MTMR10: variants seen among roughly 807,000 people sequenced by gnomAD.
MTMR10 encodes myotubularin-related protein 10.
A neutral mutation model predicts 88.1 loss-of-function variants in MTMR10; 56 were observed. The ratio of observed to expected loss-of-function variants is 0.64; its 90% CI spans 0.51 to 0.79. MTMR10 has a LOEUF of 0.79. Among genes scored for constraint, MTMR10 ranks in the 30% least tolerant of loss-of-function variants. MTMR10 has a pLI of 0.00. For synonymous variants in MTMR10, 380 were observed against 340.9 expected, an observed-to-expected ratio of 1.11 and a Z score of -1.26; for missense variants, 883 against 924.7, an observed-to-expected ratio of 0.95 and a Z score of 0.58.
intron 13 of MTMR10, among the ~76,000 whole-genome samples, chr15:30,947,996 A>G (rs1036583500): frequency 6.6e-6 from 1 of 152,162 alleles, no homozygotes; most frequent in Admixed American, 6.5e-5. Context: ...GATATTCCAA[A>G]AGTGATTTTT....
chr15:30,928,532 G>C, the MTMR10 span: 3 of 1,612,586 alleles, frequency 1.9e-6, no homozygotes, highest in African/African-American at 4.0e-5. Flanking sequence ...GTGTGTGTGT[G>C]TGTGTGTGAC....
intron 5 of MTMR10, among the ~76,000 whole-genome samples, chr15:30,973,129 T>C (rs1282603432): frequency 1.3e-5 from 2 of 152,212 alleles, no homozygotes; most frequent in African/African-American, 2.4e-5. Context: ...AAAGTCCTTC[T>C]ATATAATAGG....
chr15:30,958,756 C>T lies in MTMR10; in HGVS notation c.935+107G>A, dbSNP rs1207183142. ...ATTCTTATATAAAACATGGTGCTAACTAATTAGTAAGACTATGCATTTTGT... is the reference window on the plus strand; with the variant it reads ...ATTCTTATATAAAACATGGTGCTAATTAATTAGTAAGACTATGCATTTTGT... On this transcript the variant is annotated intron_variant, in intron 9 of 15. Coordinates refer to ENST00000435680, the MANE Select transcript of MTMR10 (RefSeq NM_017762.3). 5 of 1,164,320 alleles carry T rather than the reference C, an allele frequency of 4.3e-6. No individual in the cohort carries two copies. In the East Asian group the frequency reaches 1.2e-4, roughly 27 times the overall value. The allele number at this position is 1,164,320 out of a possible 1,614,324, so 72.1% of individuals were successfully genotyped here.
Position 30,947,274 on chromosome 15 carries a change from A to T in MTMR10, c.1404T>A (p.Asp468Glu). 1 of 1,613,548 alleles carries T rather than the reference A, an allele frequency of 6.2e-7. No individual in the cohort carries two copies. Among genetic ancestry groups the T allele is most frequent in the Non-Finnish European group, 8.5e-7 (1 of 1,179,808 alleles). The change falls in exon 14 of 16, where the codon GAT becomes GAA. Residue 468 changes from aspartate to glutamate, a missense_variant. By Grantham distance (45) the Asp-to-Glu change is conservative. Around this residue, in one of 3 missense-constraint regions of MTMR10, gnomAD observed 126 missense variants for 178.2 expected, o/e 0.71. Coordinates refer to ENST00000435680, the MANE Select transcript of MTMR10 (RefSeq NM_017762.3). The part of the protein sequence containing the change: ...KESPLFLLFL[D>E]ATWQLLEQYP... ...ATTGTTCTAACAGCTGCCAGGTGGC[A>T]TCCAAGAATAGCAAAAATAAAGGAG... is the stretch of plus-strand genomic sequence containing the variant.
chr15:30,941,163 GATA>G lies in MTMR10; in HGVS notation c.*304_*306del, dbSNP rs2063035123. On this transcript the variant is annotated 3_prime_UTR_variant, in exon 16 of 16. Transcript: ENST00000435680. ...GGGCTGCTAATGTGACTGACTATCAGATAGCCTTCAGGAGGTGGTAGGAAAAAT... is the reference window on the plus strand; with the variant it reads ...GGGCTGCTAATGTGACTGACTATCAGGCCTTCAGGAGGTGGTAGGAAAAAT... 7.6e-7 allele frequency: 1 copy of G among 1,319,350 alleles called. No individual in the cohort carries two copies. The highest frequency in any genetic ancestry group is 1.5e-5 in the African/African-American group (1 of 67,164). The allele number at this position is 1,319,350 out of a possible 1,614,324, so 81.7% of individuals were successfully genotyped here.
chr15:30,930,481 G>T, the MTMR10 span: 1 of 1,537,472 alleles, frequency 6.5e-7, no homozygotes. Flanking sequence ...CGTGATCCCT[G>T]GAGCCTATTT....
chr15:30,961,074 C>A lies in MTMR10; in HGVS notation c.566-1G>T. On this transcript the variant is annotated splice_acceptor_variant, in intron 6 of 15. Coordinates refer to ENST00000435680, the MANE Select transcript of MTMR10 (RefSeq NM_017762.3). LOFTEE classifies it high-confidence loss of function. Reference sequence around the variant, plus strand: ...GAGGGAATTCCATTAATTTTGTTTGCTGTAGGAAAAAGCAACATTATGAAT... The same window carrying A: ...GAGGGAATTCCATTAATTTTGTTTGATGTAGGAAAAAGCAACATTATGAAT... 2 of 1,542,926 alleles carry A rather than the reference C, an allele frequency of 1.3e-6. No homozygotes were observed. Among genetic ancestry groups the A allele is most frequent in the Non-Finnish European group, 1.7e-6 (2 of 1,143,562 alleles).
intron 2 of MTMR10, among the ~76,000 whole-genome samples, chr15:30,980,222 T>A (rs1328199293): frequency 6.6e-6 from 1 of 152,214 alleles, no homozygotes; most frequent in Non-Finnish European, 1.5e-5. Context: ...AGAGGACCAC[T>A]CACAGGAGTG....
downstream of MTMR10, among the ~76,000 whole-genome samples, chr15:30,938,584 C>T (rs1288820463): frequency 1.3e-5 from 2 of 152,104 alleles, no homozygotes; most frequent in South Asian, 4.1e-4. Flanking sequence ...TCAGGCTGGG[C>T]AAGGGGGTGT....
chr15:30,965,878 C>T, intron 6 of MTMR10: 1 of 317,928 alleles, frequency 3.1e-6, no homozygotes, highest in Non-Finnish European at 6.5e-6. Context: ...CACCTACCTG[C>T]CTGCAAAAAG....
the MTMR10 span, among the ~76,000 whole-genome samples, chr15:30,930,913 T>G: frequency 6.6e-6 from 1 of 152,130 alleles, no homozygotes; most frequent in Non-Finnish European, 1.5e-5. Flanking sequence ...GATGTGGACA[T>G]GATGTTCCAT....
At chr15:30,924,438 C>T in the MTMR10 span, among the ~76,000 whole-genome samples, 1 of 152,196 alleles carries the variant, frequency 6.6e-6, no homozygotes, top group Non-Finnish European at 1.5e-5. Flanking sequence ...ACACCAGTGT[C>T]ACATTCCCAC....
intron 6 of MTMR10, among the ~76,000 whole-genome samples, chr15:30,964,548 G>A (rs1428691287): frequency 6.6e-6 from 1 of 152,126 alleles, no homozygotes; most frequent in African/African-American, 2.4e-5. Context: ...ATCATCTTCA[G>A]TTAGAGCTCA....
chr15:30,979,769 T>C (rs1226731284), intron 2 of MTMR10, among the ~76,000 whole-genome samples: 3 of 152,192 alleles, frequency 2.0e-5, no homozygotes, highest in African/African-American at 4.8e-5. Context: ...GATGCACGAA[T>C]GTTAACGTAT....
At chr15:30,968,577 AAACT>A (rs1462931571) in intron 5 of MTMR10, among the ~76,000 whole-genome samples, 1 of 149,292 alleles carries the variant, frequency 6.7e-6, no homozygotes, top group Non-Finnish European at 1.5e-5. Context: ...ACACACACAC[AAACT>A]GTGTTTAAGT....
chr15:30,930,411 C>A, the MTMR10 span: 2 of 1,033,158 alleles, frequency 1.9e-6, no homozygotes, highest in Non-Finnish European at 2.7e-6. Flanking sequence ...CAGAACAGCG[C>A]ATGGTGGGCC....
At chr15:30,990,609 G>A (rs2031249630) in intron 2 of MTMR10, among the ~76,000 whole-genome samples, 168 bp downstream of exon 2, 1 of 152,178 alleles carries the variant, frequency 6.6e-6, no homozygotes, top group Admixed American at 6.5e-5. Flanking sequence ...AAGGAAATGA[G>A]GTAATGACAT....
chr15:30,944,513 C>A (rs2063138745), intron 14 of MTMR10, among the ~76,000 whole-genome samples: 1 of 150,912 alleles, frequency 6.6e-6, no homozygotes, highest in Admixed American at 6.6e-5. Context: ...TTGCAGTGAG[C>A]CGAGATCATG....
At position 30,941,714 on chromosome 15, in the gene MTMR10, C is replaced by G; in HGVS notation, c.2090G>C (p.Arg697Pro). 1 of 1,613,864 alleles carries G rather than the reference C, an allele frequency of 6.2e-7. No individual in the cohort carries two copies. The highest frequency in any genetic ancestry group is 8.5e-7 in the Non-Finnish European group (1 of 1,179,866). Reference sequence around the variant, plus strand: ...CTCCAGGGGGCCACTGCGCTGTTGCCGCAGCATCCTGCTCAGTACGTCGAC... The same window carrying G: ...CTCCAGGGGGCCACTGCGCTGTTGCGGCAGCATCCTGCTCAGTACGTCGAC... ...DEVDVLSRML[R>P]QQRSGPLEAC... The change falls in exon 16 of 16, where the codon CGG becomes CCG. Residue 697 changes from arginine (R) to proline (P), a missense_variant. Coordinates refer to ENST00000435680, the MANE Select transcript of MTMR10 (RefSeq NM_017762.3).
Sources: gnomAD v4.1 joint callset for allele counts (sites outside exome capture counted in the v4.1 genomes callset) on GRCh38, gnomAD v4.1.1 for gene constraint, gnomAD v4.1.1 regional missense constraint, MANE v1.5 for transcripts, NCBI Gene and HGNC (gene_info 2026-07-23, HGNC 2026-07-21) for gene names.